BDP1: variants seen among roughly 807,000 people sequenced by gnomAD.
BDP1 encodes BDP1 general transcription factor IIIB subunit.
A neutral mutation model predicts 266.6 loss-of-function variants in BDP1; 169 were observed. The ratio of observed to expected loss-of-function variants is 0.63; its 90% CI spans 0.56 to 0.72. The LOEUF is 0.72. BDP1 is among the 30% of genes least tolerant of loss of function. The pLI is 0.00. For missense variants in BDP1, 3,015 were observed against 3,053.8 expected (o/e 0.99, Z 0.30); for synonymous variants, 1,090 against 1,022.4 (o/e 1.07, Z -1.26).
rs145971547 is a variant in BDP1 at position 71,542,814 on chromosome 5, G to A, written c.6412+549G>A. Reference sequence around the variant, plus strand: ...AAGATAGTTAATTAACACATATTTTGTATTTTATTTGTGTTATATACTGTA... The same window carrying A: ...AAGATAGTTAATTAACACATATTTTATATTTTATTTGTGTTATATACTGTA... On this transcript the variant is annotated intron_variant, in intron 30 of 38. Transcript: ENST00000358731. Among the ~76,000 whole-genome samples, 640 of 151,898 alleles carry A rather than the reference G, an allele frequency of 4.2e-3. 2 individuals are homozygous for A. Among genetic ancestry groups the A allele is most frequent in the Non-Finnish European group, 7.8e-3 (531 of 67,974 alleles).
rs768219750 is a variant in BDP1 at position 71,457,720 on chromosome 5, C to G, written c.213-859C>G. Among the ~76,000 whole-genome samples, 6 of 151,780 alleles carry G rather than the reference C, an allele frequency of 4.0e-5. No individual in the cohort carries two copies. The South Asian group carries it at 1.2e-3, about 32-fold the overall frequency. ...GGTGAAATGCAGATAATGCATGTATCCATAACAGCTAAGATACGAATTTAA... is the reference window on the plus strand; with the variant it reads ...GGTGAAATGCAGATAATGCATGTATGCATAACAGCTAAGATACGAATTTAA... On this transcript the variant is annotated intron_variant, in intron 1 of 38. Transcript: ENST00000358731.
chr5:71,560,479 T>C (rs774528981), intron 37 of BDP1, among the ~76,000 whole-genome samples: 3 of 152,228 alleles, frequency 2.0e-5, no homozygotes, highest in Non-Finnish European at 4.4e-5. Flanking sequence ...TTTTGTACAC[T>C]TATTTTTTTA....
chr5:71,524,833 ACT>A (rs1377946472), intron 25 of BDP1, among the ~76,000 whole-genome samples: 9 of 149,364 alleles, frequency 6.0e-5, no homozygotes, highest in Admixed American at 4.7e-4. Flanking sequence ...AGTGGCGATG[ACT>A]CTTAACGAGC....
At chr5:71,508,121 C>A (rs549182344) in intron 16 of BDP1, among the ~76,000 whole-genome samples, 1 of 151,986 alleles carries the variant, frequency 6.6e-6, no homozygotes, top group Non-Finnish European at 1.5e-5. Flanking sequence ...CGTGCCACCA[C>A]GCCCTGCTAA....
At chr5:71,508,062 T>A (rs1327503512) in intron 16 of BDP1, among the ~76,000 whole-genome samples, 1 of 151,066 alleles carries the variant, frequency 6.6e-6, no homozygotes, top group Middle Eastern at 3.3e-3. Flanking sequence ...CCCCCTGGGT[T>A]CCAGCTATTT....
In BDP1 at chr5:71,532,441, T is replaced by G; in HGVS notation, c.5892+14T>G. The G allele has an allele frequency of 6.2e-7, 1 of 1,611,654 alleles. No individual in the cohort carries two copies. The highest frequency in any genetic ancestry group is 1.3e-5 in the African/African-American group (1 of 74,992). On this transcript the variant is annotated intron_variant, in intron 26 of 38. Transcript: ENST00000358731. ...AGTGTACCGTTTGTAAGCATCCATTTTAATATGTTTTGGCCTTTTATTCTT... is the reference window on the plus strand; with the variant it reads ...AGTGTACCGTTTGTAAGCATCCATTGTAATATGTTTTGGCCTTTTATTCTT...
chr5:71,489,323 A>G, intron 9 of BDP1, 81 bp from the exon 10 acceptor site: 1 of 966,930 alleles, frequency 1.0e-6, no homozygotes, highest in Non-Finnish European at 1.5e-6. Flanking sequence ...AATACAGAGG[A>G]CATCTTTGAG....
At chr5:71,526,496 G>C (rs1765885277) in intron 25 of BDP1, among the ~76,000 whole-genome samples, 1 of 150,582 alleles carries the variant, frequency 6.6e-6, no homozygotes, top group Non-Finnish European at 1.5e-5. Context: ...GGTGCCTGTA[G>C]TCCCAGCTAC....
At chr5:71,490,398 T>TA (rs1207889677) in intron 10 of BDP1, among the ~76,000 whole-genome samples, 1 of 152,176 alleles carries the variant, frequency 6.6e-6, no homozygotes, top group African/African-American at 2.4e-5. Flanking sequence ...TCATTACGTA[T>TA]AATGCAGAAC....
chr5:71,553,037 A>T, intron 34 of BDP1, 79 bp from the exon 35 acceptor site: 1 of 1,198,432 alleles, frequency 8.3e-7, no homozygotes, highest in South Asian at 1.5e-5. Context: ...TATTGGAAGG[A>T]TTTCTAGGAT....
intron 3 of BDP1, 53 bp downstream of exon 3, chr5:71,461,979 T>G (rs2150348024): frequency 1.0e-6 from 1 of 982,984 alleles, no homozygotes; most frequent in Non-Finnish European, 1.6e-6. Context: ...TTTTTTTTTT[T>G]GGAGGTGGAG....
chr5:71,479,720 G>C (rs1028655084), intron 7 of BDP1, among the ~76,000 whole-genome samples: 3 of 146,594 alleles, frequency 2.0e-5, no homozygotes, highest in Admixed American at 1.4e-4. Flanking sequence ...CTAATTTTTT[G>C]TATTTTTAGT....
intron 2 of BDP1, among the ~76,000 whole-genome samples, chr5:71,461,331 C>G (rs1346635843): frequency 6.6e-6 from 1 of 151,890 alleles, no homozygotes; most frequent in Non-Finnish European, 1.5e-5. Flanking sequence ...AATCTAAATA[C>G]TGCCTGGGTG....
At chr5:71,536,987 G>C (rs1278901998) in intron 26 of BDP1, among the ~76,000 whole-genome samples, 1 of 151,662 alleles carries the variant, frequency 6.6e-6, no homozygotes, top group South Asian at 2.1e-4. Flanking sequence ...AATCAGCCGG[G>C]CATGGTGGCA....
chr5:71,512,260 T>G lies in BDP1; in HGVS notation c.4079T>G (p.Leu1360Arg). ...LDIQNISSEVLSMMHTPVEEK... is the reference protein window; with the variant it reads ...LDIQNISSEVRSMMHTPVEEK... ...CTCTAGAACATTAGCAGTGAAGTAC[T>G]GTCGATGATGCATACACCTGTAGAA... Residue 1360 changes from leucine to arginine, a missense_variant, in exon 18 of 39, where the codon CTG (leucine) becomes CGG (arginine). Leu to Arg is a moderately radical substitution (Grantham distance 102). Transcript: ENST00000358731. The G allele has an allele frequency of 6.5e-7, 1 of 1,531,478 alleles. No homozygotes were observed. The highest frequency in any genetic ancestry group is 1.4e-5 in the African/African-American group (1 of 71,910). The allele number at this position is 1,531,478 out of a possible 1,614,324, so 94.9% of individuals were successfully genotyped here.
At chr5:71,512,513 T>C in intron 18 of BDP1, 85 bp downstream of exon 18, 1 of 895,434 alleles carries the variant, frequency 1.1e-6, no homozygotes, top group Non-Finnish European at 1.7e-6. Context: ...ATATAACATA[T>C]ACAGGATAGT....
intron 7 of BDP1, among the ~76,000 whole-genome samples, chr5:71,471,554 C>T (rs1433694106): frequency 6.6e-6 from 1 of 152,192 alleles, no homozygotes; most frequent in Non-Finnish European, 1.5e-5. Context: ...CTTTCCTAGG[C>T]CCCCTTAACT....
chr5:71,563,067 G>C (rs1305275049), intron 38 of BDP1, among the ~76,000 whole-genome samples: 3 of 152,152 alleles, frequency 2.0e-5, no homozygotes, highest in Non-Finnish European at 4.4e-5. Context: ...AAAACATTTT[G>C]TATTATTTGT....
intron 7 of BDP1, among the ~76,000 whole-genome samples, chr5:71,479,706 C>G (rs540036700): frequency 1.9e-4 from 29 of 151,276 alleles, no homozygotes; most frequent in African/African-American, 6.3e-4. Flanking sequence ...ACCACCACGC[C>G]CGGCTAATTT....
Sources: allele counts gnomAD v4.1 joint callset (sites outside exome capture counted in the v4.1 genomes callset), GRCh38; gene constraint gnomAD v4.1.1; transcripts MANE v1.5; gene names NCBI Gene and HGNC (gene_info 2026-07-23, HGNC 2026-07-21).